The following TSGA10 variants were observed in gnomAD, a reference collection of about 807,000 sequenced individuals.
TSGA10 encodes the protein testis-specific gene 10 protein.
Under a neutral mutation model 96.6 loss-of-function variants are expected in TSGA10, and 43 were observed. The observed-to-expected ratio is 0.44, with a 90% CI of 0.35 to 0.57. The LOEUF is 0.57. Ranked by LOEUF, TSGA10 falls within the 20% of genes least tolerant of loss-of-function variation. TSGA10 has a pLI of 0.01. For synonymous variants in TSGA10, 229 were observed against 269.9 expected (o/e 0.85, Z 1.48); for missense variants, 703 against 834.4 (o/e 0.84, Z 1.94).
At chr2:99,007,337 T>G (rs1388301177) in intron 20 of TSGA10, among the ~76,000 whole-genome samples, 1 of 151,966 alleles carries the variant, frequency 6.6e-6, no homozygotes, top group Non-Finnish European at 1.5e-5. Context: ...AAATTCACAA[T>G]GACTCATAAA....
rs1439002613 is a variant in TSGA10 at position 99,112,808 on chromosome 2, T to C, written c.-139-1893A>G. ...GTGCAGGGAATGTGGGGATGGGTATTTCAGAGCCCGCTGTGTGGAAGACAT... is the reference window on the plus strand; with the variant it reads ...GTGCAGGGAATGTGGGGATGGGTATCTCAGAGCCCGCTGTGTGGAAGACAT... On this transcript the variant is annotated intron_variant, in intron 4 of 20. Coordinates refer to ENST00000393483, the MANE Select transcript of TSGA10 (RefSeq NM_025244.4). Among the ~76,000 whole-genome samples the C allele has an allele frequency of 4.7e-5, 7 of 148,222 alleles. No individual in the cohort carries two copies. In the South Asian group the frequency reaches 1.5e-3, roughly 32 times the overall value.
At chr2:99,153,430 A>G (rs1275657329) in intron 1 of TSGA10, among the ~76,000 whole-genome samples, 1 of 152,194 alleles carries the variant, frequency 6.6e-6, no homozygotes, top group African/African-American at 2.4e-5. Flanking sequence ...AGAGTACAGC[A>G]TGTTTGAGTG....
intron 1 of TSGA10, among the ~76,000 whole-genome samples, chr2:99,127,911 T>C (rs181003595): frequency 3.2e-4 from 48 of 152,372 alleles, no homozygotes; most frequent in African/African-American, 9.9e-4. Flanking sequence ...GCTATATATA[T>C]GTACACTTAT....
At chr2:99,063,173 A>T (rs1030362130) in intron 16 of TSGA10, among the ~76,000 whole-genome samples, 2 of 152,226 alleles carry the variant, frequency 1.3e-5, no homozygotes, top group African/African-American at 4.8e-5. Context: ...AATAAAAATT[A>T]TATGTCTACT....
At chr2:99,006,380 T>C (rs1320959596) in intron 20 of TSGA10, among the ~76,000 whole-genome samples, 1 of 152,164 alleles carries the variant, frequency 6.6e-6, no homozygotes, top group Non-Finnish European at 1.5e-5. Context: ...GAGAATATTT[T>C]TGCAATCTAC....
At position 99,059,082 on chromosome 2, in the gene TSGA10, A is replaced by ATATATT. The variant is rs1558877035; in HGVS notation, c.1404+5856_1404+5857insAATATA. Among the ~76,000 whole-genome samples, 144 of 54,140 alleles carry ATATATT rather than the reference A, an allele frequency of 2.7e-3. No homozygotes were observed. In the African/African-American group the frequency reaches 0.031, roughly 12 times the overall value. The allele number at this position is 54,140 out of a possible 152,430, so 35.5% of individuals were successfully genotyped here. A position where few individuals can be genotyped will look rare whatever the true frequency, so the allele number is the denominator to read the frequency against. On this transcript the variant is annotated intron_variant, in intron 16 of 20. Coordinates refer to ENST00000393483, the MANE Select transcript of TSGA10 (RefSeq NM_025244.4). ...TATATATATATATTTATATATTTTTATATATATATATATATGCAATCTAAT... is the reference window on the plus strand; with the variant it reads ...TATATATATATATTTATATATTTTTATATATTTATATATATATATATGCAATCTAAT...
chr2:99,022,729 C>G (rs919795926), intron 17 of TSGA10, among the ~76,000 whole-genome samples: 2 of 152,102 alleles, frequency 1.3e-5, no homozygotes, highest in African/African-American at 4.8e-5. Context: ...AGCTGTAAGG[C>G]AATCTAATTT....
At position 99,086,791 on chromosome 2, in the gene TSGA10, C is replaced by T. The variant is rs900735021; in HGVS notation, c.612-5394G>A. On this transcript the variant is annotated intron_variant, in intron 10 of 20. Coordinates refer to ENST00000393483, the MANE Select transcript of TSGA10 (RefSeq NM_025244.4). ...CATTAAGATTAGAAAAGAAGCAAAA[C>T]TCTTAATTCACAGGTGACATGATAA... is the stretch of plus-strand genomic sequence containing the variant. Among the ~76,000 whole-genome samples the T allele has an allele frequency of 2.0e-5, 3 of 152,000 alleles. No homozygotes were observed. In the East Asian group the frequency reaches 5.8e-4, roughly 29 times the overall value.
At chr2:99,153,900 C>A (rs184280646) in intron 1 of TSGA10, among the ~76,000 whole-genome samples, 27 of 152,304 alleles carry the variant, frequency 1.8e-4, no homozygotes, top group Middle Eastern at 3.4e-3. Flanking sequence ...TTAGTGGTTT[C>A]TATTTTAACT....
At chr2:99,132,365 C>A (rs2093131480) in intron 1 of TSGA10, among the ~76,000 whole-genome samples, 1 of 151,446 alleles carries the variant, frequency 6.6e-6, no homozygotes, top group African/African-American at 2.4e-5. Flanking sequence ...AGGGTATATA[C>A]CCTTCCAGGA....
At chr2:99,073,995 CTTTT>C (rs2086301490) in intron 12 of TSGA10, among the ~76,000 whole-genome samples, 1 of 36,138 alleles carries the variant, frequency 2.8e-5, no homozygotes, top group East Asian at 4.2e-4. Flanking sequence ...GTTCCTGTTT[CTTTT>C]CTTTTTTTTT....
chr2:99,104,505 C>G (rs548731708), intron 9 of TSGA10, among the ~76,000 whole-genome samples: 1 of 149,888 alleles, frequency 6.7e-6, no homozygotes, highest in East Asian at 1.9e-4. Flanking sequence ...GACAGAGTAT[C>G]GCTCCATCGC....
chr2:99,118,381 G>A (rs2092388203), intron 3 of TSGA10, among the ~76,000 whole-genome samples, 170 bp downstream of exon 3: 2 of 149,682 alleles, frequency 1.3e-5, no homozygotes, highest in Admixed American at 1.3e-4. Flanking sequence ...AACCTGGGAG[G>A]CAGAGATTGC....
At chr2:99,034,630 T>G (rs898785032) in intron 17 of TSGA10, among the ~76,000 whole-genome samples, 1 of 152,208 alleles carries the variant, frequency 6.6e-6, no homozygotes, top group African/African-American at 2.4e-5. Context: ...CTGAATGGGA[T>G]GCCTCATTCC....
intron 16 of TSGA10, 131 bp downstream of exon 16, chr2:99,064,808 T>A (rs542270374): frequency 1.6e-5 from 11 of 676,392 alleles, no homozygotes; most frequent in Non-Finnish European, 2.3e-5. Context: ...GGAGAATGGT[T>A]AGCATGCTAC....
At chr2:99,106,556 A>G (rs1369735841) in intron 7 of TSGA10, among the ~76,000 whole-genome samples, 2 of 150,754 alleles carry the variant, frequency 1.3e-5, no homozygotes, top group Non-Finnish European at 3.0e-5. Flanking sequence ...GACACATTAA[A>G]AAAAAAAAGT....
intron 1 of TSGA10, among the ~76,000 whole-genome samples, chr2:99,150,168 G>C (rs573591491): frequency 1.3e-5 from 2 of 152,072 alleles, no homozygotes; most frequent in East Asian, 3.9e-4. Context: ...GCCTTCAGTC[G>C]TTATTTCTTT....
Position 99,109,477 on chromosome 2 carries a change from T to G in TSGA10, c.-38A>C. 1 of 1,606,892 alleles carries G rather than the reference T, an allele frequency of 6.2e-7. No homozygotes were observed. The highest frequency in any genetic ancestry group is 2.2e-5 in the East Asian group (1 of 44,774). On this transcript the variant is annotated 5_prime_UTR_variant, in exon 6 of 21. Coordinates refer to ENST00000393483, the MANE Select transcript of TSGA10 (RefSeq NM_025244.4). ...TTGAGCTTCACTCTTATAGTGATCT[T>G]TGTCTGCTTCCAAAGTCTTGACAAA...
At chr2:99,079,105 AAG>A (rs1306028864) in intron 11 of TSGA10, among the ~76,000 whole-genome samples, 3 of 152,202 alleles carry the variant, frequency 2.0e-5, no homozygotes, top group East Asian at 1.9e-4. Context: ...ATGATGGGAA[AAG>A]AGAGAGTGGG....
Sources: gnomAD v4.1 joint callset for allele counts (sites outside exome capture counted in the v4.1 genomes callset) on GRCh38, gnomAD v4.1.1 for gene constraint, MANE v1.5 for transcripts, NCBI Gene and HGNC (gene_info 2026-07-23, HGNC 2026-07-21) for gene names.